SLC30A5: variants seen among roughly 807,000 people sequenced by gnomAD.
SLC30A5 encodes the protein proton-coupled zinc antiporter SLC30A5.
SLC30A5 carries 33 observed loss-of-function variants against 79.6 expected under a neutral mutation model. The observed-to-expected ratio is 0.41, with a 90% CI of 0.31 to 0.55. The LOEUF is 0.55. Ranked by LOEUF, SLC30A5 falls within the 20% of genes least tolerant of loss-of-function variation. SLC30A5 has a pLI of 0.20. For missense variants in SLC30A5, 788 were observed against 928.1 expected (o/e 0.85, Z 1.96); for synonymous variants, 299 against 319.7 (o/e 0.94, Z 0.69).
chr5:69,123,218 G>C lies in SLC30A5; in HGVS notation c.1791G>C (p.Leu597Phe), dbSNP rs751686198. Residue 597 changes from leucine to phenylalanine, a missense_variant, in exon 14 of 16, where the codon TTG (leucine) becomes TTC (phenylalanine). By Grantham distance (22) the Leu-to-Phe change is conservative (BLOSUM62 0). This residue lies in a region of SLC30A5 where 626 missense variants were observed against 755.5 expected (regional missense o/e 0.83). Coordinates refer to ENST00000396591, the MANE Select transcript of SLC30A5 (RefSeq NM_022902.5). Reference sequence around the variant, plus strand: ...TTGTAGGTGTATTTCTACATGTTTTGGCAGATACACTTGGCAGCATTGGTG... The same window carrying C: ...TTGTAGGTGTATTTCTACATGTTTTCGCAGATACACTTGGCAGCATTGGTG... Reference protein sequence around the residue: ...ANMRGVFLHVLADTLGSIGVI... With the variant: ...ANMRGVFLHVFADTLGSIGVI... 56 of 1,603,756 alleles carry C rather than the reference G, an allele frequency of 3.5e-5. No homozygotes were observed. The highest frequency in any genetic ancestry group is 4.6e-5 in the Non-Finnish European group (54 of 1,173,916).
intron 14 of SLC30A5, among the ~76,000 whole-genome samples, chr5:69,125,075 C>T (rs183805549): frequency 2.5e-3 from 373 of 152,234 alleles, no homozygotes; most frequent in Non-Finnish European, 4.5e-3. Flanking sequence ...GGTTTACTGT[C>T]CATAATTCTT....
Position 69,116,308 on chromosome 5 carries a change from C to T in SLC30A5, c.1073-86C>T, listed in dbSNP as rs945801083. ...ACTTATTTTGGGAAATTCTTCAGTG[C>T]TTGCATTTAGTGCCGACAGTTACTG... is the stretch of plus-strand genomic sequence containing the variant. On this transcript the variant is annotated intron_variant, in intron 9 of 15. Transcript: ENST00000396591. This position sits in a 1 kb window ranked among gnomAD's most constrained non-coding sequence, Gnocchi z 4.0. The T allele has an allele frequency of 2.7e-6, 4 of 1,493,984 alleles. No homozygotes were observed. The highest frequency in any genetic ancestry group is 3.6e-6 in the Non-Finnish European group (4 of 1,113,482). 92.5% of individuals were successfully genotyped at this position (1,493,984 alleles called of 1,614,324 possible).
Position 69,125,870 on chromosome 5 carries a change from C to CAAAAAAAAAAAAAAAAAAAAAAAAA in SLC30A5, c.1999-2132_1999-2108dup, listed in dbSNP as rs532994254. ...CGGGCCACAGAGCGAGACTCCGTCT[C>CAAAAAAAAAAAAAAAAAAAAAAAAA]AAAAAAAAAAAAAAAAAAAAAAAAA... On this transcript the variant is annotated intron_variant, in intron 14 of 15. Coordinates refer to ENST00000396591, the MANE Select transcript of SLC30A5 (RefSeq NM_022902.5). Among the ~76,000 whole-genome samples the CAAAAAAAAAAAAAAAAAAAAAAAAA allele has an allele frequency of 7.4e-4, 40 of 54,196 alleles. 1 individual carries two copies. Among genetic ancestry groups the CAAAAAAAAAAAAAAAAAAAAAAAAA allele is most frequent in the Admixed American group, 9.8e-4 (4 of 4,092 alleles). The allele number at this position is 54,196 out of a possible 152,430, so 35.6% of individuals were successfully genotyped here. A position where few individuals can be genotyped will look rare whatever the true frequency, so the allele number is the denominator to read the frequency against.
chr5:69,116,501 C>G lies in SLC30A5; in HGVS notation c.1180C>G (p.His394Asp). 6.2e-7 allele frequency: 1 copy of G among 1,612,806 alleles called. No homozygotes were observed. The highest frequency in any genetic ancestry group is 8.5e-7 in the Non-Finnish European group (1 of 1,179,358). ...TAACTTCATGGGTGATGCTTTTCAGCATAGCTCTCAATCGATCCCTAGGTT... is the reference window on the plus strand; with the variant it reads ...TAACTTCATGGGTGATGCTTTTCAGGATAGCTCTCAATCGATCCCTAGGTT... ...LYNFMGDAFQ[H>D]SSQSIPRFIK... Residue 394 changes from histidine to aspartate, a missense_variant, in exon 10 of 16, where the codon CAT (histidine) becomes GAT (aspartate). His to Asp is a moderately conservative substitution (Grantham distance 81). Transcript: ENST00000396591. This position sits in a 1 kb window ranked among gnomAD's most constrained non-coding sequence, Gnocchi z 4.0.
At chr5:69,115,904 A>G in intron 8 of SLC30A5, 22 bp from the exon 9 acceptor site, 1 of 1,576,852 alleles carries the variant, frequency 6.3e-7, no homozygotes, top group Non-Finnish European at 8.6e-7. Context: ...TAGTCTTGAC[A>G]ATTCTTTTTT....
At chr5:69,108,248 A>C (rs1265944103) in intron 4 of SLC30A5, 101 bp from the exon 5 acceptor site, 10 of 890,980 alleles carry the variant, frequency 1.1e-5, no homozygotes, top group Non-Finnish European at 1.2e-5. Flanking sequence ...TGTTTTGTGA[A>C]ATCAAGGGGA....
In SLC30A5 at chr5:69,100,946, GTTT is replaced by G. The variant is rs1554052517; in HGVS notation, c.206+21_206+23del. On this transcript the variant is annotated intron_variant, in intron 2 of 15. Transcript: ENST00000396591. ...AAAACTTGGGTGAGTGTGGGGGGGG[GTTT>G]TTTCTTGATATTTTTTATTTCTTTG... 3 of 1,355,810 alleles carry G rather than the reference GTTT, an allele frequency of 2.2e-6. No homozygotes were observed. The South Asian group carries it at 4.3e-5, about 19-fold the overall frequency. The allele number at this position is 1,355,810 out of a possible 1,614,324, so 84.0% of individuals were successfully genotyped here.
Position 69,123,205 on chromosome 5 carries a change from T to A in SLC30A5, c.1778T>A (p.Phe593Tyr). ...TTATATATTTTATTTGTAGGTGTAT[T>A]TCTACATGTTTTGGCAGATACACTT... ...GGMNANMRGV[F>Y]LHVLADTLGS... The change falls in exon 14 of 16, where the codon TTT becomes TAT. Residue 593 changes from phenylalanine to tyrosine, a missense_variant. By Grantham distance (22) the Phe-to-Tyr change is conservative (BLOSUM62 3). Transcript: ENST00000396591. The A allele has an allele frequency of 1.3e-6, 2 of 1,595,046 alleles. No individual in the cohort carries two copies. The highest frequency in any genetic ancestry group is 1.7e-4 in the Middle Eastern group (1 of 5,964).
rs1455973236 is a variant in SLC30A5, at chr5:69,103,052, A to G, written c.207-10A>G. ...TTAATATTAATATATTAATGTTTCAATATTTACAGGACTGCATTTTTTATG... is the reference window on the plus strand; with the variant it reads ...TTAATATTAATATATTAATGTTTCAGTATTTACAGGACTGCATTTTTTATG... On this transcript the variant is annotated splice_polypyrimidine_tract_variant and intron_variant, in intron 2 of 15. Transcript: ENST00000396591. 1.3e-5 allele frequency: 19 copies of G among 1,411,790 alleles called. No individual in the cohort carries two copies. The highest frequency in any genetic ancestry group is 1.9e-5 in the Non-Finnish European group (19 of 1,009,954). 87.5% of individuals were successfully genotyped at this position (1,411,790 alleles called of 1,614,324 possible).
At chr5:69,118,777 A>G (rs1746454654) in intron 12 of SLC30A5, 149 bp downstream of exon 12, 2 of 402,210 alleles carry the variant, frequency 5.0e-6, no homozygotes, top group Non-Finnish European at 8.4e-6. Context: ...GTTTACATTT[A>G]TACTGCTCCC....
intron 11 of SLC30A5, 174 bp from the exon 12 acceptor site, chr5:69,118,325 G>GTGTATATGTGTATATATATATATA (rs60416809): frequency 1.1e-5 from 2 of 188,328 alleles, no homozygotes; most frequent in Non-Finnish European, 2.0e-5. Flanking sequence ...ATATATATAT[G>GTGTATATGTGTATATATATATATA]TATATATATA....
intron 5 of SLC30A5, among the ~76,000 whole-genome samples, chr5:69,110,678 T>C (rs181113779): frequency 0.011 from 1,698 of 152,348 alleles, 32 homozygotes; most frequent in African/African-American, 0.038. Context: ...AAACTCACTA[T>C]ATTTGGCTTC....
At chr5:69,100,784 T>G in intron 1 of SLC30A5, 23 bp from the exon 2 acceptor site, 1 of 1,569,346 alleles carries the variant, frequency 6.4e-7, no homozygotes, top group Non-Finnish European at 8.7e-7. Flanking sequence ...ATACTAAAAA[T>G]TGTTTCTGCT....
At chr5:69,101,074 T>A in intron 2 of SLC30A5, 145 bp downstream of exon 2, 1 of 740,348 alleles carries the variant, frequency 1.4e-6, no homozygotes, top group Non-Finnish European at 2.0e-6. Flanking sequence ...ACTGGGAGTA[T>A]ACTTAAGATT....
At chr5:69,107,566 G>A (rs979220323) in intron 4 of SLC30A5, among the ~76,000 whole-genome samples, 2 of 152,118 alleles carry the variant, frequency 1.3e-5, no homozygotes, top group East Asian at 3.9e-4. Flanking sequence ...TGGCAGTGCA[G>A]TAGGCTTGTT....
intron 15 of SLC30A5, among the ~76,000 whole-genome samples, chr5:69,128,366 C>T (rs1353418254): frequency 2.6e-5 from 4 of 151,534 alleles, no homozygotes; most frequent in Admixed American, 6.6e-5. Flanking sequence ...GTCTCCCTGC[C>T]TCAGCCTCCC....
chr5:69,128,437 A>G (rs190863976), intron 15 of SLC30A5, among the ~76,000 whole-genome samples: 3 of 151,656 alleles, frequency 2.0e-5, no homozygotes, highest in African/African-American at 7.3e-5. Flanking sequence ...GTTTGTTTGT[A>G]TTTTTAGTAG....
chr5:69,106,498 G>A (rs1322399287), intron 4 of SLC30A5, among the ~76,000 whole-genome samples: 1 of 152,060 alleles, frequency 6.6e-6, no homozygotes, highest in Non-Finnish European at 1.5e-5. Context: ...TACCAACACT[G>A]CCCTCTCATT....
At chr5:69,118,169 T>C in intron 11 of SLC30A5, among the ~76,000 whole-genome samples, 1 of 131,964 alleles carries the variant, frequency 7.6e-6, no homozygotes, top group African/African-American at 3.0e-5. Context: ...AGAGCAAGAC[T>C]CTGTCTCAAA....
Sources: allele counts gnomAD v4.1 joint callset (sites outside exome capture counted in the v4.1 genomes callset), GRCh38; gene constraint gnomAD v4.1.1; regional missense constraint gnomAD v4.1.1; non-coding constraint Gnocchi (gnomAD v3.1); transcripts MANE v1.5; gene names NCBI Gene and HGNC (gene_info 2026-07-23, HGNC 2026-07-21).